The following ACOT7 variants were observed in gnomAD, a reference collection of about 807,000 sequenced individuals.
ACOT7 encodes cytosolic acyl coenzyme A thioester hydrolase.
A neutral mutation model predicts 40.2 loss-of-function variants in ACOT7; 12 were observed. The observed-to-expected ratio is 0.30, with a 90% CI of 0.19 to 0.48. The LOEUF is 0.48. Ranked by LOEUF, ACOT7 falls within the 20% of genes least tolerant of loss-of-function variation. The probability of loss-of-function intolerance (pLI) is 0.99; values close to 1 mark genes in which losing one functional copy is unlikely to be tolerated. For missense variants in ACOT7, 395 were observed against 530.8 expected (o/e 0.74, Z 2.51); for synonymous variants, 228 against 219.5 (o/e 1.04, Z -0.34).
chr1:6,276,948 A>G (rs1304669768), intron 8 of ACOT7, among the ~76,000 whole-genome samples: 1 of 151,956 alleles, frequency 6.6e-6, no homozygotes, highest in Non-Finnish European at 1.5e-5. Context: ...GCCCCTCTGC[A>G]GCCCCTTCCC....
chr1:6,335,747 T>C (rs1414893895), intron 3 of ACOT7, among the ~76,000 whole-genome samples: 1 of 152,244 alleles, frequency 6.6e-6, no homozygotes, highest in African/African-American at 2.4e-5. Flanking sequence ...GGCCTGTGCC[T>C]GCCCCTCCTC....
intron 1 of ACOT7, among the ~76,000 whole-genome samples, chr1:6,357,837 C>T (rs1268737191): frequency 3.3e-5 from 5 of 151,498 alleles, no homozygotes; most frequent in Non-Finnish European, 4.4e-5. Context: ...GGGGACTCTG[C>T]CAAACAGAAG....
chr1:6,335,992 A>G (rs749882455), intron 3 of ACOT7, among the ~76,000 whole-genome samples: 9 of 152,194 alleles, frequency 5.9e-5, no homozygotes, highest in Non-Finnish European at 1.5e-5. Context: ...TGAGGCAAAC[A>G]TGCTAATTGT....
chr1:6,383,030 T>A (rs930350179), intron 1 of ACOT7, among the ~76,000 whole-genome samples: 2 of 146,294 alleles, frequency 1.4e-5, no homozygotes, highest in Admixed American at 1.3e-4. Flanking sequence ...AGGCGTGGGC[T>A]ACCACGCCCA....
chr1:6,266,740 G>C (rs1324366309), intron 8 of ACOT7, among the ~76,000 whole-genome samples: 1 of 152,290 alleles, frequency 6.6e-6, no homozygotes, highest in Non-Finnish European at 1.5e-5. Flanking sequence ...GCCTGCAGCG[G>C]CAAGGCCGAG....
chr1:6,360,531 C>T (rs1305127942), intron 1 of ACOT7: 1 of 1,611,798 alleles, frequency 6.2e-7, no homozygotes, highest in African/African-American at 1.3e-5. Context: ...CCTCCCCTGA[C>T]CCCAAATAGC....
chr1:6,281,610 C>G (rs1639362756), intron 7 of ACOT7, among the ~76,000 whole-genome samples: 1 of 152,220 alleles, frequency 6.6e-6, no homozygotes, highest in Non-Finnish European at 1.5e-5. Flanking sequence ...ACTGTGCCCC[C>G]ACGGGGGAGG....
chr1:6,275,653 G>A lies in ACOT7; in HGVS notation c.1014+5449C>T, dbSNP rs1050846759. Among the ~76,000 whole-genome samples the A allele has an allele frequency of 1.3e-5, 2 of 148,540 alleles. No homozygotes were observed. Among genetic ancestry groups the A allele is most frequent in the African/African-American group, 5.0e-5 (2 of 40,040 alleles). On this transcript the variant is annotated intron_variant, in intron 8 of 8. Transcript: ENST00000361521. The surrounding 1 kb of genome is among the most constrained non-coding windows in gnomAD (Gnocchi z 5.6). Reference sequence around the variant, plus strand: ...AATCGTTTGAACCCGGGAGGCAGCGGTTGCAGTGAGCCGAGATCCAGCCAT... The same window carrying A: ...AATCGTTTGAACCCGGGAGGCAGCGATTGCAGTGAGCCGAGATCCAGCCAT...
At position 6,340,166 on chromosome 1, in the gene ACOT7, C is replaced by G. The variant is rs187104898; in HGVS notation, c.262-577G>C. Among the ~76,000 whole-genome samples, 528 of 152,218 alleles carry G rather than the reference C, an allele frequency of 3.5e-3. 3 individuals are homozygous for G. Among genetic ancestry groups the G allele is most frequent in the Admixed American group, 6.5e-3 (99 of 15,280 alleles). ...TATTTTTAGTAGAGACGGGGTTTCT[C>G]CATGTTAGCCAGAATGGTCTCAATC... On this transcript the variant is annotated intron_variant, in intron 2 of 8. Transcript: ENST00000361521.
intron 1 of ACOT7, among the ~76,000 whole-genome samples, chr1:6,380,921 T>C (rs772041181): frequency 8.6e-5 from 13 of 151,742 alleles, no homozygotes; most frequent in Non-Finnish European, 1.9e-4. Context: ...CAACAGACAA[T>C]ATCAACAGAG....
chr1:6,349,919 A>T (rs17029376), intron 1 of ACOT7, 53 bp from the exon 2 acceptor site: 3 of 1,557,538 alleles, frequency 1.9e-6, no homozygotes, highest in Non-Finnish European at 2.7e-6. Flanking sequence ...CCATTTGTGC[A>T]ACAGTGACAA....
intron 1 of ACOT7, among the ~76,000 whole-genome samples, chr1:6,380,094 AT>A (rs1356143870): frequency 6.6e-6 from 1 of 151,628 alleles, no homozygotes; most frequent in Non-Finnish European, 1.5e-5. Flanking sequence ...GGAAAAAAAT[AT>A]TTGCAAATCA....
At chr1:6,390,397 C>T (rs370699578) in intron 1 of ACOT7, among the ~76,000 whole-genome samples, 1 of 151,104 alleles carries the variant, frequency 6.6e-6, no homozygotes. Context: ...CATGGTGAAA[C>T]CCCATCTCTA....
At chr1:6,280,331 G>C (rs1639318455) in intron 8 of ACOT7, among the ~76,000 whole-genome samples, 1 of 152,236 alleles carries the variant, frequency 6.6e-6, no homozygotes, top group East Asian at 1.9e-4. Context: ...GGTCAGCCAG[G>C]ATGGGGAACC....
intron 6 of ACOT7, among the ~76,000 whole-genome samples, chr1:6,314,974 C>T (rs1037347515): frequency 1.3e-5 from 2 of 152,196 alleles, no homozygotes; most frequent in African/African-American, 4.8e-5. Flanking sequence ...TCCACACCCT[C>T]GGGCTCACTC....
chr1:6,264,375 C>G lies in ACOT7; in HGVS notation c.*222G>C, dbSNP rs75850189. 3.8e-6 allele frequency: 2 copies of G among 521,572 alleles called. No individual in the cohort carries two copies. Among genetic ancestry groups the G allele is most frequent in the African/African-American group, 3.9e-5 (2 of 50,634 alleles). The allele number at this position is 521,572 out of a possible 1,614,324, so 32.3% of individuals were successfully genotyped here. A position where few individuals can be genotyped will look rare whatever the true frequency, so the allele number is the denominator to read the frequency against. On this transcript the variant is annotated 3_prime_UTR_variant, in exon 9 of 9. Transcript: ENST00000361521. ...TTTCTGCCCAACGCCTCCCGGCGCT[C>G]GGGACAACACTGTGTAGCATTGATA...
chr1:6,335,483 G>C (rs189696419), intron 3 of ACOT7, among the ~76,000 whole-genome samples: 2 of 152,078 alleles, frequency 1.3e-5, no homozygotes, highest in East Asian at 1.9e-4. Flanking sequence ...ACAGAGCGAG[G>C]CCCTGTCTTA....
chr1:6,324,095 C>T (rs1640734475), intron 5 of ACOT7, among the ~76,000 whole-genome samples: 1 of 151,818 alleles, frequency 6.6e-6, no homozygotes, highest in Non-Finnish European at 1.5e-5. Flanking sequence ...GACGCCCCTG[C>T]CAAACCCAAC....
At chr1:6,316,716 G>C (rs112440013) in intron 6 of ACOT7, among the ~76,000 whole-genome samples, 1 of 152,098 alleles carries the variant, frequency 6.6e-6, no homozygotes, top group East Asian at 1.9e-4. Context: ...AAGCTGAAGC[G>C]GGAGAATCTC....
Sources: gnomAD v4.1 joint callset for allele counts (sites outside exome capture counted in the v4.1 genomes callset) on GRCh38, gnomAD v4.1.1 for gene constraint, Gnocchi (gnomAD v3.1) non-coding constraint, MANE v1.5 for transcripts, NCBI Gene and HGNC (gene_info 2026-07-23, HGNC 2026-07-21) for gene names.